TET2: variants seen among roughly 807,000 people sequenced by gnomAD.
TET2 encodes the protein methylcytosine dioxygenase TET2.
TET2 carries 299 observed loss-of-function variants against 142.9 expected under a neutral mutation model. The ratio of observed to expected loss-of-function variants is 2.09; its 90% CI spans 1.90 to 2.30. TET2 has a LOEUF of 2.30. Among genes scored for constraint, TET2 ranks in the 30% most tolerant of loss-of-function variants. The pLI is 0.00. For missense variants in TET2, 2,418 were observed against 2,378.0 expected (o/e 1.02, Z -0.35); for synonymous variants, 819 against 849.0 (o/e 0.96, Z 0.61).
rs1731146022 is a variant in TET2 at position 105,275,206 on chromosome 4, A to T, written c.4696A>T (p.Thr1566Ser). 6.4e-7 allele frequency: 1 copy of T among 1,552,254 alleles called. No individual in the cohort carries two copies. The highest frequency in any genetic ancestry group is 8.7e-7 in the Non-Finnish European group (1 of 1,147,098). Residue 1566 changes from threonine (T) to serine (S), a missense_variant, in exon 11 of 11, where the codon ACC becomes TCC. Transcript: ENST00000380013. The part of the protein sequence containing the change: ...SVNSYSASGS[T>S]NPYMRRPNPV... ...CAACTCTTATTCTGCTTCTGGATCC[A>T]CCAATCCATACATGAGACGGCCCAA...
chr4:105,243,333 T>C (rs1376617264), intron 5 of TET2, among the ~76,000 whole-genome samples: 2 of 152,220 alleles, frequency 1.3e-5, no homozygotes, highest in Non-Finnish European at 2.9e-5. Context: ...CTGGGTATAG[T>C]CTGCTAAACA....
At chr4:105,220,583 G>A (rs1267881274) in intron 2 of TET2, among the ~76,000 whole-genome samples, 1 of 152,092 alleles carries the variant, frequency 6.6e-6, no homozygotes, top group Non-Finnish European at 1.5e-5. Flanking sequence ...GATTGGGCAG[G>A]ACTGAGGAAG....
chr4:105,242,106 G>GTAT (rs1423474150), intron 4 of TET2: 8 of 1,188,074 alleles, frequency 6.7e-6, no homozygotes, highest in Admixed American at 4.6e-5. Flanking sequence ...GAGGTAGGCA[G>GTAT]TATTATTATT....
intron 2 of TET2, among the ~76,000 whole-genome samples, chr4:105,199,146 A>G (rs1352227999): frequency 6.6e-6 from 1 of 152,220 alleles, no homozygotes. Flanking sequence ...ACTCTTTATT[A>G]AAGAATGTTG....
Position 105,235,345 on chromosome 4 carries a change from ATGT to A in TET2, c.1404_1406del (p.His468_Val469delinsGln). 6.2e-7 allele frequency: 1 copy of A among 1,614,158 alleles called. No homozygotes were observed. Among genetic ancestry groups the A allele is most frequent in the East Asian group, 2.2e-5 (1 of 44,874 alleles). On this transcript the variant is annotated inframe_deletion, in exon 3 of 11. Transcript: ENST00000380013. Reference sequence around the variant, plus strand: ...TCCCAGAGTCCTAATCCATCTACACATGTATGCAGCCCTTCTCCGATGCTTTCT... The same window carrying A: ...TCCCAGAGTCCTAATCCATCTACACAATGCAGCCCTTCTCCGATGCTTTCT...
At chr4:105,149,247 C>G (rs974724086) in intron 1 of TET2, among the ~76,000 whole-genome samples, 1 of 152,128 alleles carries the variant, frequency 6.6e-6, no homozygotes, top group African/African-American at 2.4e-5. Context: ...ATAATAGATA[C>G]AACATTTTCC....
intron 1 of TET2, among the ~76,000 whole-genome samples, chr4:105,178,835 A>G (rs1327279525): frequency 6.6e-6 from 1 of 152,190 alleles, no homozygotes; most frequent in East Asian, 1.9e-4. Context: ...AAAATAAACT[A>G]GTTGAATGTA....
intron 5 of TET2, 50 bp downstream of exon 5, chr4:105,242,977 T>C: frequency 6.9e-7 from 1 of 1,444,058 alleles, no homozygotes; most frequent in Non-Finnish European, 9.5e-7. Context: ...GGCATTTTGA[T>C]TTGTAAATCT....
intron 2 of TET2, among the ~76,000 whole-genome samples, chr4:105,195,689 T>C (rs1578597540): frequency 7.3e-6 from 1 of 136,386 alleles, no homozygotes; most frequent in South Asian, 2.1e-4. Flanking sequence ...AATCTGTACA[T>C]GTTCATTACA....
intron 2 of TET2, among the ~76,000 whole-genome samples, chr4:105,216,839 G>C (rs1182420102): frequency 6.6e-6 from 1 of 152,018 alleles, no homozygotes. Flanking sequence ...TGGACAAACT[G>C]TTGGTCACAT....
At chr4:105,218,244 T>C (rs1024765050) in intron 2 of TET2, among the ~76,000 whole-genome samples, 1 of 152,052 alleles carries the variant, frequency 6.6e-6, no homozygotes, top group Non-Finnish European at 1.5e-5. Flanking sequence ...AGAATTTATG[T>C]TCCTAGTGAT....
At chr4:105,240,627 A>T in intron 3 of TET2, 2 of 1,080,110 alleles carry the variant, frequency 1.9e-6, no homozygotes, top group Non-Finnish European at 2.3e-6. Flanking sequence ...CACTGGGCTA[A>T]AACACCACAC....
intron 2 of TET2, among the ~76,000 whole-genome samples, chr4:105,210,325 C>G (rs1727085615): frequency 6.6e-6 from 1 of 152,124 alleles, no homozygotes; most frequent in Non-Finnish European, 1.5e-5. Context: ...CTTGGGTCAC[C>G]TTGTTGACTT....
At position 105,178,289 on chromosome 4, in the gene TET2, C is replaced by T. The variant is rs1317780079; in HGVS notation, c.-192-12071C>T. 2.6e-5 allele frequency among the ~76,000 whole-genome samples: 4 copies of T among 152,032 alleles called. 1 individual carries two copies. Among genetic ancestry groups the T allele is most frequent in the Admixed American group, 2.6e-4 (4 of 15,266 alleles). On this transcript the variant is annotated intron_variant, in intron 1 of 10. Transcript: ENST00000380013. ...AGAAATGAGCTATCACATCATAAAA[C>T]GACATGGATGAAACTTAAATGCATA... is the stretch of plus-strand genomic sequence containing the variant.
At chr4:105,238,623 C>T (rs1729095962) in intron 3 of TET2, 1 of 244,304 alleles carries the variant, frequency 4.1e-6, no homozygotes, top group South Asian at 1.8e-4. Flanking sequence ...TAACTCAGCC[C>T]CATCTTCAGG....
intron 1 of TET2, among the ~76,000 whole-genome samples, chr4:105,164,092 A>G (rs1243998677): frequency 6.6e-6 from 1 of 152,220 alleles, no homozygotes; most frequent in African/African-American, 2.4e-5. Context: ...GATACCATAC[A>G]GTACTAACTG....
At chr4:105,271,991 T>G (rs1730985139) in intron 9 of TET2, among the ~76,000 whole-genome samples, 1 of 151,740 alleles carries the variant, frequency 6.6e-6, no homozygotes, top group Non-Finnish European at 1.5e-5. Flanking sequence ...ATATTACCTG[T>G]ATCAGCCAAA....
At chr4:105,270,673 G>GTT (rs965504533) in intron 9 of TET2, among the ~76,000 whole-genome samples, 6 of 49,538 alleles carry the variant, frequency 1.2e-4, no homozygotes, top group East Asian at 9.0e-4. Context: ...ATAGATACAT[G>GTT]TTATATATAT....
intron 10 of TET2, 100 bp from the exon 11 acceptor site, chr4:105,274,948 T>C (rs2110310514): frequency 7.1e-7 from 1 of 1,402,122 alleles, no homozygotes; most frequent in African/African-American, 1.5e-5. Context: ...ATATCACTAG[T>C]GGAGTTTCTT....
Sources: gnomAD v4.1 joint callset for allele counts (sites outside exome capture counted in the v4.1 genomes callset) on GRCh38, gnomAD v4.1.1 for gene constraint, MANE v1.5 for transcripts, NCBI Gene and HGNC (gene_info 2026-07-23, HGNC 2026-07-21) for gene names.